NEU4: variants seen among roughly 807,000 people sequenced by gnomAD.
NEU4 encodes neuraminidase 4.
NEU4 carries 7 observed loss-of-function variants against 9.9 expected under a neutral mutation model. The ratio of observed to expected loss-of-function variants is 0.71; its 90% CI spans 0.40 to 1.33. The LOEUF is 1.33. Among genes scored for constraint, NEU4 ranks in the 40% most tolerant of loss-of-function variants. The pLI, the probability that NEU4 is intolerant of heterozygous loss-of-function variation, is 0.01. For synonymous variants in NEU4, 348 were observed against 316.9 expected (o/e 1.10, Z -1.04); for missense variants, 717 against 712.6 (o/e 1.01, Z -0.07).
intron 1 of NEU4, among the ~76,000 whole-genome samples, chr2:241,812,538 C>T (rs75926257): frequency 0.08 from 11,213 of 139,872 alleles, 394 homozygotes; most frequent in East Asian, 0.13. Flanking sequence ...ACTGAGGACA[C>T]GGAGGCTCTG....
At position 241,816,721 on chromosome 2, in the gene NEU4, G is replaced by A. The variant is rs371680431; in HGVS notation, c.1128G>A (p.Thr376=). The part of the protein sequence containing the change: ...MPFAAPPQSP[T]WLLYSHPVGR... ...TTGCTGCCCCGCCCCAGAGCCCCAC[G>A]TGGCTGCTGTACTCCCACCCAGTGG... The change falls in exon 4 of 4, where the codon ACG becomes ACA. Residue 376 remains threonine, a synonymous_variant. Coordinates refer to ENST00000407683, the MANE Select transcript of NEU4 (RefSeq NM_001167600.3). 22 of 1,554,538 alleles carry A rather than the reference G, an allele frequency of 1.4e-5. No homozygotes were observed. Among genetic ancestry groups the A allele is most frequent in the Middle Eastern group, 1.7e-4 (1 of 5,742 alleles).
At chr2:241,814,174 C>A in intron 1 of NEU4, 1 of 635,684 alleles carries the variant, frequency 1.6e-6, no homozygotes. Flanking sequence ...TGGCCAGCCT[C>A]CCCTGCACCC....
chr2:241,814,656 AG>A lies in NEU4; in HGVS notation c.176del (p.Gly59AlafsTer27). ...DSHAHRLVLR[R>X]GTLAGGSVRW... The stretch of plus-strand genomic sequence containing the variant: ...CCACGCCCACCGCCTGGTGCTGAGG[AG>A]GGGCACGCTGGCCGGGGGCTCCGTG... On this transcript the variant is annotated frameshift_variant, in exon 2 of 4. Coordinates refer to ENST00000407683, the MANE Select transcript of NEU4 (RefSeq NM_001167600.3). LOFTEE classifies it high-confidence loss of function. 2 of 1,571,528 alleles carry A rather than the reference AG, an allele frequency of 1.3e-6. No individual in the cohort carries two copies. Among genetic ancestry groups the A allele is most frequent in the Non-Finnish European group, 1.7e-6 (2 of 1,160,160 alleles).
Position 241,810,999 on chromosome 2 carries a change from T to G in NEU4, c.-4+1725T>G, listed in dbSNP as rs35670872. On this transcript the variant is annotated intron_variant, in intron 1 of 3. Coordinates refer to ENST00000407683, the MANE Select transcript of NEU4 (RefSeq NM_001167600.3). ...CTAGAGCCCAGTGAGGCCTGTGCTG[T>G]GAGGGGCTGTGCTGTGCCAGGGGAG... The G allele has an allele frequency of 4.9e-6, 5 of 1,016,304 alleles. No individual in the cohort carries two copies. In the African/African-American group the frequency reaches 8.5e-5, roughly 17 times the overall value. 63.0% of individuals were successfully genotyped at this position (1,016,304 alleles called of 1,614,324 possible).
Position 241,814,537 on chromosome 2 carries a change from C to G in NEU4, c.53C>G (p.Thr18Arg). The part of the protein sequence containing the change: ...SRTVLFERER[T>R]GLTYRVPSLL... ...ACAGTGCTCTTCGAGCGGGAGAGGA[C>G]GGGCCTGACCTACCGCGTGCCCTCG... Residue 18 changes from threonine (T) to arginine (R), a missense_variant, in exon 2 of 4, where the codon ACG becomes AGG. Thr to Arg is a moderately conservative substitution (Grantham distance 71). Transcript: ENST00000407683. 6.2e-7 allele frequency: 1 copy of G among 1,612,724 alleles called. No individual in the cohort carries two copies.
chr2:241,816,088 G>A lies in NEU4; in HGVS notation c.495G>A (p.Val165=). The A allele has an allele frequency of 6.2e-7, 1 of 1,609,966 alleles. No individual in the cohort carries two copies. Among genetic ancestry groups the A allele is most frequent in the Non-Finnish European group, 8.5e-7 (1 of 1,178,892 alleles). Reference sequence around the variant, plus strand: ...TCGCTGTGGGTCCCGGCCACGGTGTGCAGCTGCCCTCAGGCCGCCTGCTGG... The same window carrying A: ...TCGCTGTGGGTCCCGGCCACGGTGTACAGCTGCCCTCAGGCCGCCTGCTGG... ...ATFAVGPGHG[V]QLPSGRLLVP... is the part of the protein sequence containing the mutation. The change falls in exon 4 of 4, where the codon GTG becomes GTA. Residue 165 remains valine (V), a synonymous_variant. Coordinates refer to ENST00000407683, the MANE Select transcript of NEU4 (RefSeq NM_001167600.3).
rs2125214961 is a variant in NEU4, at chr2:241,814,499, T to C, written c.15T>C (p.Arg5=). The part of the protein sequence containing the change: MGVP[R]TPSRTVLFER... ...ACCAGCAGAGCATGGGGGTCCCTCG[T>C]ACCCCTTCACGGACAGTGCTCTTCG... Residue 5 remains arginine (R), a synonymous_variant, in exon 2 of 4, where the codon CGT becomes CGC. Coordinates refer to ENST00000407683, the MANE Select transcript of NEU4 (RefSeq NM_001167600.3). 1 of 1,611,082 alleles carries C rather than the reference T, an allele frequency of 6.2e-7. No homozygotes were observed. Among genetic ancestry groups the C allele is most frequent in the East Asian group, 2.2e-5 (1 of 44,864 alleles).
intron 3 of NEU4, 200 bp from the exon 4 acceptor site, chr2:241,815,851 G>A (rs964830097): frequency 5.8e-5 from 36 of 619,900 alleles, no homozygotes; most frequent in Admixed American, 3.9e-4. Flanking sequence ...ACCTGGGCTC[G>A]GCTGCTAAGG....
rs1700321460 is a variant in NEU4 at position 241,816,094 on chromosome 2, G to A, written c.501G>A (p.Leu167=). 1.2e-6 allele frequency: 2 copies of A among 1,610,360 alleles called. No homozygotes were observed. Among genetic ancestry groups the A allele is most frequent in the South Asian group, 1.1e-5 (1 of 90,708 alleles). ...FAVGPGHGVQ[L]PSGRLLVPAY... ...TGGGTCCCGGCCACGGTGTGCAGCT[G>A]CCCTCAGGCCGCCTGCTGGTACCCG... The change falls in exon 4 of 4, where the codon CTG becomes CTA. Residue 167 remains leucine, a synonymous_variant. Transcript: ENST00000407683.
At chr2:241,814,458 C>T (rs766860026) in intron 1 of NEU4, 24 bp from the exon 2 acceptor site, 52 of 1,601,270 alleles carry the variant, frequency 3.2e-5, no homozygotes, top group Non-Finnish European at 4.2e-5. Flanking sequence ...TCTTGCTGAC[C>T]TGTGGCCCTG....
At chr2:241,813,034 C>T (rs760986407) in intron 1 of NEU4, among the ~76,000 whole-genome samples, 3 of 152,198 alleles carry the variant, frequency 2.0e-5, no homozygotes, top group Non-Finnish European at 4.4e-5. Context: ...TCAGAAGCCG[C>T]GCACTGGTGG....
chr2:241,814,772 G>A lies in NEU4; in HGVS notation c.201+87G>A, dbSNP rs1026681978. 36 of 1,510,892 alleles carry A rather than the reference G, an allele frequency of 2.4e-5. No homozygotes were observed. The East Asian group carries it at 2.8e-4, about 12-fold the overall frequency. 93.6% of individuals were successfully genotyped at this position (1,510,892 alleles called of 1,614,324 possible). A position where few individuals can be genotyped will look rare whatever the true frequency, so the allele number is the denominator to read the frequency against. Reference sequence around the variant, plus strand: ...CCCGGGATGGGGCGGGGGTGGCGGCGGCAGGCAGATGCCCGAGGTAGAGAT... The same window carrying A: ...CCCGGGATGGGGCGGGGGTGGCGGCAGCAGGCAGATGCCCGAGGTAGAGAT... On this transcript the variant is annotated intron_variant, in intron 2 of 3. Coordinates refer to ENST00000407683, the MANE Select transcript of NEU4 (RefSeq NM_001167600.3).
At position 241,816,574 on chromosome 2, in the gene NEU4, C is replaced by T. The variant is rs1442041625; in HGVS notation, c.981C>T (p.Gly327=). ...AGGCTGCTGTAGACCCCCGTGGAGG[C>T]CAGGTGCCTGGTGGGCCCTTCAGCC... ...PEEAAVDPRG[G]QVPGGPFSRL... is the part of the protein sequence containing the mutation. Residue 327 remains glycine, a synonymous_variant, in exon 4 of 4, where the codon GGC becomes GGT. Transcript: ENST00000407683. 1 of 1,605,630 alleles carries T rather than the reference C, an allele frequency of 6.2e-7. No homozygotes were observed.
intron 1 of NEU4, chr2:241,810,651 G>A (rs917617706): frequency 6.5e-6 from 1 of 154,210 alleles, no homozygotes; most frequent in Non-Finnish European, 1.4e-5. Flanking sequence ...GGTCATTTGA[G>A]CATTGGTTAC....
In NEU4 at chr2:241,816,831, A is replaced by G. The variant is rs1043618234; in HGVS notation, c.1238A>G (p.Tyr413Cys). 1.2e-6 allele frequency: 2 copies of G among 1,610,258 alleles called. No individual in the cohort carries two copies. The highest frequency in any genetic ancestry group is 1.3e-5 in the African/African-American group (1 of 74,888). Residue 413 changes from tyrosine (Y) to cysteine (C), a missense_variant, in exon 4 of 4, where the codon TAC (tyrosine) becomes TGC (cysteine). Coordinates refer to ENST00000407683, the MANE Select transcript of NEU4 (RefSeq NM_001167600.3). ...PRSWTEPWVI[Y>C]EGPSGYSDLA... is the part of the protein sequence containing the mutation. ...AGCTGGACAGAGCCCTGGGTGATCT[A>G]CGAGGGCCCCAGCGGCTACTCCGAC...
At chr2:241,814,333 G>A in intron 1 of NEU4, 149 bp from the exon 2 acceptor site, 1 of 722,240 alleles carries the variant, frequency 1.4e-6, no homozygotes, top group South Asian at 1.8e-5. Flanking sequence ...TCAGAAACAG[G>A]GCTGACCCCA....
intron 3 of NEU4, 50 bp from the exon 4 acceptor site, chr2:241,816,001 C>T (rs952404352): frequency 1.5e-5 from 22 of 1,507,968 alleles, no homozygotes; most frequent in Non-Finnish European, 1.7e-5. Context: ...TCCAGCCCCC[C>T]GACCTCGGGG....
At chr2:241,809,498 C>T (rs553393699) in intron 1 of NEU4, 22 of 342,438 alleles carry the variant, frequency 6.4e-5, no homozygotes, top group African/African-American at 3.0e-4. Context: ...CTGGGGTCAG[C>T]GTGGCCCCTC....
chr2:241,812,485 G>GTGGAA lies in NEU4; in HGVS notation c.-3-1997_-3-1996insTGGAA, dbSNP rs1700153778. On this transcript the variant is annotated intron_variant, in intron 1 of 3. Coordinates refer to ENST00000407683, the MANE Select transcript of NEU4 (RefSeq NM_001167600.3). ...GCTGGCCTCCGAGACAGAGGGGCCT[G>GTGGAA]CCGAGGACACGGAGGCTCTGTGGAA... is the stretch of plus-strand genomic sequence containing the variant. Among the ~76,000 whole-genome samples, 57 of 21,512 alleles carry GTGGAA rather than the reference G, an allele frequency of 2.6e-3. 1 individual carries two copies. The highest frequency in any genetic ancestry group is 4.7e-3 in the African/African-American group (36 of 7,650). 14.1% of individuals were successfully genotyped at this position (21,512 alleles called of 152,430 possible). A position where few individuals can be genotyped will look rare whatever the true frequency, so the allele number is the denominator to read the frequency against.
Sources: gnomAD v4.1 joint callset for allele counts (sites outside exome capture counted in the v4.1 genomes callset) on GRCh38, gnomAD v4.1.1 for gene constraint, MANE v1.5 for transcripts, NCBI Gene and HGNC (gene_info 2026-07-23, HGNC 2026-07-21) for gene names.